CDH13: variants seen among roughly 807,000 people sequenced by gnomAD.
The protein encoded by CDH13 is cadherin-13.
Under a neutral mutation model 63.8 loss-of-function variants are expected in CDH13, and 24 were observed. The ratio of observed to expected loss-of-function variants is 0.38; its 90% CI spans 0.27 to 0.53. CDH13 has a LOEUF of 0.53. Ranked by LOEUF, CDH13 falls within the 20% of genes least tolerant of loss-of-function variation. The pLI is 0.85. For synonymous variants in CDH13, 503 were observed against 355.3 expected, an observed-to-expected ratio of 1.42 and a Z score of -4.67; for missense variants, 1,049 against 903.1, an observed-to-expected ratio of 1.16 and a Z score of -2.07.
chr16:83,445,234 T>G, intron 6 of CDH13, among the ~76,000 whole-genome samples: 1 of 55,890 alleles, frequency 1.8e-5, no homozygotes, highest in Non-Finnish European at 4.5e-5. Flanking sequence ...GCTGCGAGAG[T>G]TTATAATTTA....
At chr16:83,383,014 C>A (rs895978721) in intron 6 of CDH13, 1 of 152,210 alleles carries the variant, frequency 6.6e-6, no homozygotes, top group Admixed American at 6.5e-5. Flanking sequence ...AGTGCAGAAA[C>A]CCCGAGTTAC....
chr16:83,623,577 G>T (rs1044672319), intron 8 of CDH13, among the ~76,000 whole-genome samples: 1 of 152,114 alleles, frequency 6.6e-6, no homozygotes, highest in African/African-American at 2.4e-5. Flanking sequence ...TTTCCCGGCA[G>T]CTCTACAAAT....
chr16:82,803,247 G>A (rs1436112387), intron 1 of CDH13, among the ~76,000 whole-genome samples: 2 of 152,208 alleles, frequency 1.3e-5, no homozygotes, highest in African/African-American at 4.8e-5. Flanking sequence ...CAAAGACGTG[G>A]AGAGGTAAAA....
At chr16:83,689,533 A>G (rs1271061487) in intron 10 of CDH13, among the ~76,000 whole-genome samples, 1 of 152,212 alleles carries the variant, frequency 6.6e-6, no homozygotes, top group Non-Finnish European at 1.5e-5. Flanking sequence ...TCATGTAACT[A>G]ATTCAAGAAA....
intron 6 of CDH13, among the ~76,000 whole-genome samples, chr16:83,364,397 C>A (rs746945720): frequency 6.6e-6 from 1 of 152,204 alleles, no homozygotes; most frequent in Admixed American, 6.5e-5. Context: ...CATATCACCT[C>A]ATTTCAGCCT....
chr16:83,755,562 TA>T (rs1913438397), intron 11 of CDH13, among the ~76,000 whole-genome samples: 1 of 152,134 alleles, frequency 6.6e-6, no homozygotes, highest in East Asian at 1.9e-4. Flanking sequence ...AGCCTGAGAA[TA>T]AAAGAGGCAT....
intron 3 of CDH13, among the ~76,000 whole-genome samples, chr16:83,036,567 C>T (rs1347720419): frequency 6.6e-6 from 1 of 152,096 alleles, no homozygotes; most frequent in East Asian, 1.9e-4. Flanking sequence ...GCCTGCAACC[C>T]AGAATGCCAG....
chr16:83,697,222 C>T (rs1205410970), intron 10 of CDH13, among the ~76,000 whole-genome samples: 1 of 152,182 alleles, frequency 6.6e-6, no homozygotes, highest in African/African-American at 2.4e-5. Flanking sequence ...TTTGAGTTCA[C>T]CTGACGTGCA....
chr16:83,286,805 C>CAT (rs2089328486), intron 5 of CDH13, among the ~76,000 whole-genome samples: 1 of 149,962 alleles, frequency 6.7e-6, no homozygotes, highest in South Asian at 2.1e-4. Flanking sequence ...TACACACACA[C>CAT]ATATAAATAT....
In CDH13 at chr16:83,588,240, G is replaced by A. The variant is rs192333815; in HGVS notation, c.961-14214G>A. Reference sequence around the variant, plus strand: ...AAGCCTCATCACCCTGCCACGCCCCGCAAAACCAGGCTTTCTAGAGACTGA... The same window carrying A: ...AAGCCTCATCACCCTGCCACGCCCCACAAAACCAGGCTTTCTAGAGACTGA... On this transcript the variant is annotated intron_variant, in intron 7 of 13. Coordinates refer to ENST00000567109, the MANE Select transcript of CDH13 (RefSeq NM_001257.5). Among the ~76,000 whole-genome samples the A allele has an allele frequency of 1.1e-4, 17 of 152,278 alleles. No homozygotes were observed. In the East Asian group the frequency reaches 1.9e-3, roughly 17 times the overall value.
At chr16:83,688,159 C>G (rs1301981259) in intron 10 of CDH13, among the ~76,000 whole-genome samples, 1 of 152,170 alleles carries the variant, frequency 6.6e-6, no homozygotes, top group Non-Finnish European at 1.5e-5. Context: ...CTTGTTTAAT[C>G]TAATATTGGA....
chr16:82,687,436 T>C (rs556398516), intron 1 of CDH13, among the ~76,000 whole-genome samples: 2 of 152,018 alleles, frequency 1.3e-5, no homozygotes, highest in Non-Finnish European at 2.9e-5. Context: ...TAAAGGCAAG[T>C]GGTTTAATGG....
chr16:82,849,443 A>G (rs1312509031), intron 1 of CDH13, among the ~76,000 whole-genome samples: 1 of 152,164 alleles, frequency 6.6e-6, no homozygotes, highest in African/African-American at 2.4e-5. Context: ...AGGAGGTTTC[A>G]GTGAGCTGAG....
chr16:83,578,813 G>A (rs75459284), intron 7 of CDH13, among the ~76,000 whole-genome samples: 2,039 of 152,198 alleles, frequency 0.013, 26 homozygotes, highest in Non-Finnish European at 0.022. Flanking sequence ...TCCACTATTC[G>A]GTGTCCTATG....
intron 7 of CDH13, among the ~76,000 whole-genome samples, chr16:83,595,876 T>C (rs1300238799): frequency 3.3e-5 from 5 of 152,218 alleles, no homozygotes; most frequent in Non-Finnish European, 7.3e-5. Flanking sequence ...AGGCTGGTTT[T>C]GGTACCTAAA....
intron 6 of CDH13, among the ~76,000 whole-genome samples, chr16:83,476,676 C>CA (rs773731911): frequency 7.9e-5 from 12 of 151,492 alleles, no homozygotes; most frequent in Middle Eastern, 3.4e-3. Flanking sequence ...GAGACTGTCT[C>CA]AAAAAAAACT....
chr16:83,515,385 A>T (rs2074677266), intron 7 of CDH13, among the ~76,000 whole-genome samples: 1 of 152,200 alleles, frequency 6.6e-6, no homozygotes, highest in Non-Finnish European at 1.5e-5. Context: ...TGCACTCACG[A>T]AGAGTTAACA....
intron 8 of CDH13, among the ~76,000 whole-genome samples, chr16:83,630,401 C>G (rs924310060): frequency 2.6e-5 from 4 of 152,042 alleles, no homozygotes; most frequent in Admixed American, 6.6e-5. Context: ...CAGGGTATAA[C>G]CTGGTTTTAT....
chr16:83,464,121 TG>T (rs2073249096), intron 6 of CDH13, among the ~76,000 whole-genome samples: 1 of 152,158 alleles, frequency 6.6e-6, no homozygotes, highest in South Asian at 2.1e-4. Flanking sequence ...TTATCTAGGC[TG>T]GAGTGCAGTG....
Sources: gnomAD v4.1 joint callset for allele counts (sites outside exome capture counted in the v4.1 genomes callset) on GRCh38, gnomAD v4.1.1 for gene constraint, MANE v1.5 for transcripts, NCBI Gene and HGNC (gene_info 2026-07-23, HGNC 2026-07-21) for gene names.